GPR39: variants seen among roughly 807,000 people sequenced by gnomAD.
The protein encoded by GPR39 is zinc sensing receptor.
In GPR39, 23 loss-of-function variants were observed where a neutral mutation model predicts 18.4. That is an observed-to-expected ratio of 1.25 (90% CI 0.90 to 1.77). The LOEUF (loss-of-function observed/expected upper bound fraction) is 1.77. Among genes scored for constraint, GPR39 ranks in the 40% most tolerant of loss-of-function variants. The pLI is 0.00. For synonymous variants in GPR39, 280 were observed against 257.9 expected (o/e 1.09, Z -0.82); for missense variants, 647 against 602.4 (o/e 1.07, Z -0.78).
intron 1 of GPR39, among the ~76,000 whole-genome samples, chr2:132,471,616 C>A (rs1323706901): frequency 1.3e-5 from 2 of 151,996 alleles, no homozygotes; most frequent in African/African-American, 4.8e-5. Flanking sequence ...ATCACCTACA[C>A]CACATCTTGA....
intron 1 of GPR39, among the ~76,000 whole-genome samples, chr2:132,437,420 G>A (rs575372389): frequency 1.3e-3 from 191 of 152,276 alleles, no homozygotes; most frequent in African/African-American, 4.1e-3. Flanking sequence ...GAAGAGACAT[G>A]CAGGGAGTGT....
Position 132,511,663 on chromosome 2 carries a change from A to G in GPR39, c.856+93765A>G, listed in dbSNP as rs1358800593. ...GAAGGTGATTTTTTCTAAAGTAGCCAGGTGAGGGTGCAGGACCATTTGCTG... is the reference window on the plus strand; with the variant it reads ...GAAGGTGATTTTTTCTAAAGTAGCCGGGTGAGGGTGCAGGACCATTTGCTG... On this transcript the variant is annotated intron_variant, in intron 1 of 1. Transcript: ENST00000329321. Among the ~76,000 whole-genome samples the G allele has an allele frequency of 2.0e-5, 3 of 152,314 alleles. No homozygotes were observed. In the East Asian group the frequency reaches 5.8e-4, roughly 29 times the overall value.
chr2:132,645,628 A>C lies in GPR39; in HGVS notation c.*22A>C. 6.3e-7 allele frequency: 1 copy of C among 1,597,138 alleles called. No homozygotes were observed. The highest frequency in any genetic ancestry group is 1.1e-5 in the South Asian group (1 of 88,072). On this transcript the variant is annotated 3_prime_UTR_variant, in exon 2 of 2. Coordinates refer to ENST00000329321, the MANE Select transcript of GPR39 (RefSeq NM_001508.3). ...TTGAATGTCAAGCGAGGGAGCCTTG[A>C]GTGGGAACTGGCCCTCCAGCCCTAA... is the stretch of plus-strand genomic sequence containing the variant.
At chr2:132,602,222 A>G (rs1681055817) in intron 1 of GPR39, among the ~76,000 whole-genome samples, 2 of 152,132 alleles carry the variant, frequency 1.3e-5, no homozygotes, top group South Asian at 4.1e-4. Flanking sequence ...GAGAATCCAG[A>G]AATAAATCCA....
chr2:132,466,002 G>T (rs779073629), intron 1 of GPR39, among the ~76,000 whole-genome samples: 1 of 152,140 alleles, frequency 6.6e-6, no homozygotes, highest in Non-Finnish European at 1.5e-5. Context: ...TTTATAATGA[G>T]AAAAAAGAGG....
At chr2:132,516,222 G>A (rs1380355452) in intron 1 of GPR39, among the ~76,000 whole-genome samples, 2 of 152,136 alleles carry the variant, frequency 1.3e-5, no homozygotes, top group East Asian at 1.9e-4. Context: ...TGTGTACCTC[G>A]TCAGAGCTGA....
chr2:132,554,587 G>A (rs1680110230), intron 1 of GPR39, among the ~76,000 whole-genome samples: 1 of 152,198 alleles, frequency 6.6e-6, no homozygotes, highest in Admixed American at 6.5e-5. Flanking sequence ...TGGGTCCCCA[G>A]CTGATAGCTA....
At chr2:132,616,031 G>T (rs982069371) in intron 1 of GPR39, among the ~76,000 whole-genome samples, 1 of 150,564 alleles carries the variant, frequency 6.6e-6, no homozygotes, top group Admixed American at 6.7e-5. Flanking sequence ...AATGCAAACA[G>T]CCTCCCTCCC....
rs539871873 is a variant in GPR39, at chr2:132,631,593, G to A, written c.857-13508G>A. On this transcript the variant is annotated intron_variant, in intron 1 of 1. Coordinates refer to ENST00000329321, the MANE Select transcript of GPR39 (RefSeq NM_001508.3). ...GTGCACCTCTCTTAGTATCTCTCCC[G>A]TCAGTTGATTTTGTTTTTCTGCCTC... is the stretch of plus-strand genomic sequence containing the variant. Among the ~76,000 whole-genome samples, 8 of 152,262 alleles carry A rather than the reference G, an allele frequency of 5.3e-5. No individual in the cohort carries two copies. In the South Asian group the frequency reaches 8.3e-4, roughly 16 times the overall value.
At chr2:132,424,477 C>T (rs1272771206) in intron 1 of GPR39, among the ~76,000 whole-genome samples, 1 of 152,148 alleles carries the variant, frequency 6.6e-6, no homozygotes, top group Non-Finnish European at 1.5e-5. Context: ...CATCCTGGGT[C>T]CAGAGGATGG....
chr2:132,645,497 A>G lies in GPR39; in HGVS notation c.1253A>G (p.Glu418Gly). Reference protein sequence around the residue: ...IFLSTFQSEAEPQSKSQSLSL... With the variant: ...IFLSTFQSEAGPQSKSQSLSL... ...TTAAGCACTTTTCAGAGCGAGGCCGAGCCCCAGTCTAAGTCCCAGTCATTG... is the reference window on the plus strand; with the variant it reads ...TTAAGCACTTTTCAGAGCGAGGCCGGGCCCCAGTCTAAGTCCCAGTCATTG... Residue 418 changes from glutamate (E) to glycine (G), a missense_variant, in exon 2 of 2, where the codon GAG becomes GGG. Transcript: ENST00000329321. The G allele has an allele frequency of 6.2e-7, 1 of 1,613,704 alleles. No individual in the cohort carries two copies. The highest frequency in any genetic ancestry group is 8.5e-7 in the Non-Finnish European group (1 of 1,180,006).
chr2:132,463,584 G>A (rs370977719), intron 1 of GPR39, among the ~76,000 whole-genome samples: 5 of 152,002 alleles, frequency 3.3e-5, no homozygotes, highest in Non-Finnish European at 7.4e-5. Context: ...GAGAAGAGAG[G>A]CAAGAAAAAG....
intron 1 of GPR39, among the ~76,000 whole-genome samples, chr2:132,420,505 T>C: frequency 6.6e-6 from 1 of 152,238 alleles, no homozygotes; most frequent in Non-Finnish European, 1.5e-5. Flanking sequence ...AATCGCTGAA[T>C]TTAATATAGT....
Position 132,589,213 on chromosome 2 carries a change from C to T in GPR39, c.857-55888C>T, listed in dbSNP as rs532066898. Among the ~76,000 whole-genome samples the T allele has an allele frequency of 9.3e-4, 132 of 141,536 alleles. 5 individuals carry two copies. Among genetic ancestry groups the T allele is most frequent in the Admixed American group, 7.7e-4 (11 of 14,272 alleles). 92.9% of individuals were successfully genotyped at this position (141,536 alleles called of 152,430 possible). A position where few individuals can be genotyped will look rare whatever the true frequency, so the allele number is the denominator to read the frequency against. ...TTGGAGGCAGCCTTTCTGGCCATGT[C>T]CCCCCCTCCCCATTGCCCCTCTGCC... On this transcript the variant is annotated intron_variant, in intron 1 of 1. Transcript: ENST00000329321.
At chr2:132,495,935 C>A (rs1681633674) in intron 1 of GPR39, among the ~76,000 whole-genome samples, 1 of 151,966 alleles carries the variant, frequency 6.6e-6, no homozygotes, top group Admixed American at 6.6e-5. Context: ...AAGAGAAGGC[C>A]TTCTCTACAC....
At chr2:132,562,289 A>G (rs181865655) in intron 1 of GPR39, among the ~76,000 whole-genome samples, 1 of 152,310 alleles carries the variant, frequency 6.6e-6, no homozygotes, top group East Asian at 1.9e-4. Flanking sequence ...AAATTGGATT[A>G]TATTTGATCC....
chr2:132,599,040 G>A (rs575255541), intron 1 of GPR39, among the ~76,000 whole-genome samples: 1 of 152,226 alleles, frequency 6.6e-6, no homozygotes, highest in Non-Finnish European at 1.5e-5. Context: ...AGGTGCGGTG[G>A]TGGTGATCTC....
At chr2:132,464,639 G>A (rs1289333240) in intron 1 of GPR39, among the ~76,000 whole-genome samples, 1 of 152,172 alleles carries the variant, frequency 6.6e-6, no homozygotes, top group Admixed American at 6.5e-5. Flanking sequence ...CTGTATGTGA[G>A]CTCTCAGGGG....
At chr2:132,457,605 A>C (rs1220809841) in intron 1 of GPR39, among the ~76,000 whole-genome samples, 1 of 152,170 alleles carries the variant, frequency 6.6e-6, no homozygotes, top group Non-Finnish European at 1.5e-5. Context: ...CCACTTGAGG[A>C]GGCAGTCTGT....
Sources: allele counts gnomAD v4.1 joint callset (sites outside exome capture counted in the v4.1 genomes callset), GRCh38; gene constraint gnomAD v4.1.1; transcripts MANE v1.5; gene names NCBI Gene and HGNC (gene_info 2026-07-23, HGNC 2026-07-21).